KCNIP4: variants seen among roughly 807,000 people sequenced by gnomAD.
KCNIP4 encodes Kv channel-interacting protein 4.
In KCNIP4, 12 loss-of-function variants were observed where a neutral mutation model predicts 34.0. The ratio of observed to expected loss-of-function variants is 0.35; its 90% CI spans 0.23 to 0.57. KCNIP4 has a LOEUF of 0.57. Among genes scored for constraint, KCNIP4 ranks in the 20% least tolerant of loss-of-function variants. The pLI, the probability that KCNIP4 is intolerant of heterozygous loss-of-function variation, is 0.83. For missense variants in KCNIP4, 238 were observed against 311.7 expected, an observed-to-expected ratio of 0.76 and a Z score of 1.78; for synonymous variants, 124 against 102.2, an observed-to-expected ratio of 1.21 and a Z score of -1.29.
intron 1 of KCNIP4, among the ~76,000 whole-genome samples, chr4:21,683,424 G>A (rs376914999): frequency 7.4e-6 from 1 of 134,612 alleles, no homozygotes; most frequent in Non-Finnish European, 1.5e-5. Context: ...GAGATCATAC[G>A]ACTAATGATT....
chr4:21,121,008 T>G (rs1750110778), intron 1 of KCNIP4, among the ~76,000 whole-genome samples: 1 of 152,336 alleles, frequency 6.6e-6, no homozygotes, highest in African/African-American at 2.4e-5. Context: ...GGAAGCTGAG[T>G]GTGTGACAGT....
intron 1 of KCNIP4, among the ~76,000 whole-genome samples, chr4:21,613,928 T>A (rs944696704): frequency 1.3e-5 from 2 of 151,690 alleles, no homozygotes; most frequent in African/African-American, 4.8e-5. Context: ...GCAGATCACC[T>A]GAGGTCAGGG....
At chr4:21,007,165 T>C (rs1353968972) in intron 1 of KCNIP4, among the ~76,000 whole-genome samples, 2 of 152,188 alleles carry the variant, frequency 1.3e-5, no homozygotes, top group Admixed American at 6.5e-5. Context: ...GGATTGCACA[T>C]TGGTGATTTT....
chr4:21,807,240 C>T (rs1291436843), intron 1 of KCNIP4, among the ~76,000 whole-genome samples: 1 of 152,190 alleles, frequency 6.6e-6, no homozygotes, highest in African/African-American at 2.4e-5. Context: ...GCTTCGCTTG[C>T]TCACTGACAC....
chr4:21,526,812 CTCCAGGTT>C (rs1385101833), intron 1 of KCNIP4, among the ~76,000 whole-genome samples: 1 of 152,152 alleles, frequency 6.6e-6, no homozygotes, highest in African/African-American at 2.4e-5. Flanking sequence ...GCTGAGAGCA[CTCCAGGTT>C]GTCTATGCTT....
At chr4:20,919,684 C>CA (rs1729196836) in intron 1 of KCNIP4, among the ~76,000 whole-genome samples, 1 of 113,986 alleles carries the variant, frequency 8.8e-6, no homozygotes, top group Non-Finnish European at 1.6e-5. Context: ...GCCTGGGCAA[C>CA]AGAGTGAGAC....
intron 1 of KCNIP4, among the ~76,000 whole-genome samples, chr4:20,909,374 ATATCCAG>A (rs1372313005): frequency 6.6e-6 from 1 of 152,100 alleles, no homozygotes; most frequent in Non-Finnish European, 1.5e-5. Context: ...CCATCATTAG[ATATCCAG>A]TTAATGATGA....
intron 1 of KCNIP4, among the ~76,000 whole-genome samples, chr4:21,910,991 G>A (rs973203062): frequency 1.3e-5 from 2 of 152,108 alleles, no homozygotes; most frequent in Non-Finnish European, 2.9e-5. Flanking sequence ...CCAAATAAAA[G>A]TGGAAAGCAA....
At chr4:21,258,224 A>C (rs957618755) in intron 1 of KCNIP4, among the ~76,000 whole-genome samples, 2 of 152,194 alleles carry the variant, frequency 1.3e-5, no homozygotes, top group African/African-American at 4.8e-5. Context: ...ATTGATGATC[A>C]CATAAATTTA....
intron 1 of KCNIP4, among the ~76,000 whole-genome samples, chr4:21,423,939 C>T (rs1231889603): frequency 1.3e-5 from 2 of 151,718 alleles, no homozygotes; most frequent in Non-Finnish European, 2.9e-5. Flanking sequence ...TCCTGAGTAG[C>T]TGGGATTACA....
At chr4:20,867,526 G>A (rs907129396) in intron 2 of KCNIP4, among the ~76,000 whole-genome samples, 12 of 151,992 alleles carry the variant, frequency 7.9e-5, no homozygotes, top group African/African-American at 2.7e-4. Flanking sequence ...AAGTTAACTC[G>A]AAATGGATTA....
chr4:21,217,012 A>G (rs1757633822), intron 1 of KCNIP4, among the ~76,000 whole-genome samples: 1 of 152,212 alleles, frequency 6.6e-6, no homozygotes, highest in African/African-American at 2.4e-5. Flanking sequence ...ATCAATATTC[A>G]CTGAATGACT....
intron 1 of KCNIP4, among the ~76,000 whole-genome samples, chr4:21,067,194 C>A (rs1475222653): frequency 6.6e-6 from 1 of 152,094 alleles, no homozygotes; most frequent in Non-Finnish European, 1.5e-5. Flanking sequence ...CCAGTTCTGG[C>A]AGGATTCATT....
intron 1 of KCNIP4, among the ~76,000 whole-genome samples, chr4:21,065,724 G>A (rs1289343913): frequency 3.8e-5 from 2 of 52,766 alleles, no homozygotes; most frequent in African/African-American, 7.7e-5. Flanking sequence ...GGTATCATTT[G>A]TCTATATATA....
intron 1 of KCNIP4, among the ~76,000 whole-genome samples, chr4:21,840,043 G>A (rs1343202871): frequency 6.6e-6 from 1 of 151,930 alleles, no homozygotes; most frequent in East Asian, 1.9e-4. Flanking sequence ...TTTTGTAGAA[G>A]CTTCTGTTTG....
At chr4:21,541,041 C>T (rs1465988809) in intron 1 of KCNIP4, among the ~76,000 whole-genome samples, 1 of 151,930 alleles carries the variant, frequency 6.6e-6, no homozygotes, top group Non-Finnish European at 1.5e-5. Flanking sequence ...CATGGTGGCG[C>T]ATGCCTGTAA....
chr4:21,100,191 T>C (rs1747812595), intron 1 of KCNIP4, among the ~76,000 whole-genome samples: 1 of 152,198 alleles, frequency 6.6e-6, no homozygotes, highest in African/African-American at 2.4e-5. Flanking sequence ...CAGCATTGCA[T>C]GCAACGGAAA....
intron 1 of KCNIP4, among the ~76,000 whole-genome samples, chr4:20,971,812 TA>T (rs1259267036): frequency 6.6e-6 from 1 of 152,228 alleles, no homozygotes; most frequent in African/African-American, 2.4e-5. Flanking sequence ...GATTTCTCTT[TA>T]GCATATGATG....
At chr4:21,282,239 AATT>A (rs1224447986) in intron 1 of KCNIP4, among the ~76,000 whole-genome samples, 3 of 152,190 alleles carry the variant, frequency 2.0e-5, no homozygotes, top group Non-Finnish European at 4.4e-5. Context: ...TTCTTACGTT[AATT>A]CATTTAACTT....
Sources: allele counts gnomAD v4.1 joint callset (sites outside exome capture counted in the v4.1 genomes callset), GRCh38; gene constraint gnomAD v4.1.1; transcripts MANE v1.5; gene names NCBI Gene and HGNC (gene_info 2026-07-23, HGNC 2026-07-21).